Variants in LSM3 observed in about 807,000 individuals in gnomAD.
LSM3 encodes the protein U6 snRNA-associated Sm-like protein LSm3.
LSM3 carries 14 observed loss-of-function variants against 15.4 expected under a neutral mutation model. The observed-to-expected ratio is 0.91, with a 90% CI of 0.60 to 1.42. The LOEUF (loss-of-function observed/expected upper bound fraction) is 1.42, where lower values mean the gene tolerates loss of function less well. Ranked by LOEUF, LSM3 falls within the 40% of genes most tolerant of loss-of-function variation. LSM3 has a pLI of 0.00. For synonymous variants in LSM3, 46 were observed against 45.1 expected (o/e 1.02, Z -0.08); for missense variants, 88 against 127.9 (o/e 0.69, Z 1.50).
chr3:14,199,459 G>A lies in LSM3; in HGVS notation c.*1343G>A, dbSNP rs570276453. Reference sequence around the variant, plus strand: ...TGTGTGCGTGTTCATTATCAAGCACGATATGCTCACAAATGCACAGTACTT... The same window carrying A: ...TGTGTGCGTGTTCATTATCAAGCACAATATGCTCACAAATGCACAGTACTT... On this transcript the variant is annotated 3_prime_UTR_variant, in exon 4 of 4. Coordinates refer to ENST00000306024, the MANE Select transcript of LSM3 (RefSeq NM_014463.3). The A allele has an allele frequency of 3.9e-5, 6 of 152,318 alleles. No individual in the cohort carries two copies. Among genetic ancestry groups the A allele is most frequent in the African/African-American group, 9.6e-5 (4 of 41,578 alleles). The allele number at this position is 152,318 out of a possible 1,614,324, so 9.4% of individuals were successfully genotyped here. A position where few individuals can be genotyped will look rare whatever the true frequency, so the allele number is the denominator to read the frequency against.
intron 3 of LSM3, among the ~76,000 whole-genome samples, chr3:14,186,234 C>T (rs1697088313): frequency 2.6e-5 from 4 of 152,240 alleles, no homozygotes; most frequent in Admixed American, 2.6e-4. Flanking sequence ...GTTTCTGACC[C>T]TGCCAGGGCA....
intron 3 of LSM3, among the ~76,000 whole-genome samples, chr3:14,194,775 CTTTTTTT>C (rs145805608): frequency 2.3e-5 from 2 of 88,800 alleles, no homozygotes; most frequent in African/African-American, 4.4e-5. Flanking sequence ...TTATAGCATC[CTTTTTTT>C]TTTTTTTTTT....
In LSM3 at chr3:14,184,560, C is replaced by G. The variant is rs370099178; in HGVS notation, c.228+528C>G. 6.8e-4 allele frequency among the ~76,000 whole-genome samples: 102 copies of G among 150,522 alleles called. 1 individual carries two copies. In the South Asian group the frequency reaches 0.02, roughly 29 times the overall value. On this transcript the variant is annotated intron_variant, in intron 3 of 3. Coordinates refer to ENST00000306024, the MANE Select transcript of LSM3 (RefSeq NM_014463.3). The stretch of plus-strand genomic sequence containing the variant: ...ACGAGGTCAGGAGATCGAGACCATC[C>G]CGGCTAAAAAAACGGTGAAACCCCG...
intron 1 of LSM3, 125 bp downstream of exon 1, chr3:14,179,006 C>G: frequency 3.8e-6 from 4 of 1,039,450 alleles, no homozygotes; most frequent in East Asian, 2.4e-5. Flanking sequence ...CCACCCTGTC[C>G]TTTCCGTAAC....
chr3:14,193,090 C>A (rs567999036), intron 3 of LSM3, among the ~76,000 whole-genome samples: 1 of 152,152 alleles, frequency 6.6e-6, no homozygotes, highest in East Asian at 1.9e-4. Context: ...TTTTCAAGAA[C>A]GTTGAATATT....
At chr3:14,180,210 C>T (rs1027647832) in intron 1 of LSM3, among the ~76,000 whole-genome samples, 4 of 152,202 alleles carry the variant, frequency 2.6e-5, no homozygotes, top group Admixed American at 2.6e-4. Context: ...CATCCTAGCC[C>T]TGACCTCTAA....
At chr3:14,194,775 C>CT (rs145805608) in intron 3 of LSM3, among the ~76,000 whole-genome samples, 1,412 of 88,764 alleles carry the variant, frequency 0.016, 38 homozygotes, top group African/African-American at 0.022. Context: ...TTATAGCATC[C>CT]TTTTTTTTTT....
chr3:14,192,512 ATTGTTCCC>A (rs754512501), intron 3 of LSM3, among the ~76,000 whole-genome samples: 7 of 152,140 alleles, frequency 4.6e-5, no homozygotes, highest in Non-Finnish European at 1.0e-4. Flanking sequence ...TTCTTGCTGC[ATTGTTCCC>A]TTTACCATGT....
At chr3:14,189,816 T>C (rs954746400) in intron 3 of LSM3, among the ~76,000 whole-genome samples, 5 of 152,242 alleles carry the variant, frequency 3.3e-5, no homozygotes, top group Non-Finnish European at 7.3e-5. Flanking sequence ...ATCCCATTTG[T>C]CAATTTTGGC....
At chr3:14,195,712 T>C (rs1697181615) in intron 3 of LSM3, among the ~76,000 whole-genome samples, 1 of 152,180 alleles carries the variant, frequency 6.6e-6, no homozygotes, top group South Asian at 2.1e-4. Context: ...CCTTGGTGAC[T>C]GTAAAGCCAC....
At chr3:14,183,884 C>A (rs924787333) in intron 2 of LSM3, 53 bp from the exon 3 acceptor site, 6 of 1,380,774 alleles carry the variant, frequency 4.3e-6, no homozygotes, top group South Asian at 1.3e-5. Flanking sequence ...AAGCCTTTAT[C>A]ATTTTTGTAA....
intron 3 of LSM3, among the ~76,000 whole-genome samples, chr3:14,184,484 G>T (rs1411011756): frequency 1.3e-5 from 2 of 152,120 alleles, no homozygotes; most frequent in Non-Finnish European, 2.9e-5. Context: ...GCCGGGCGCG[G>T]TGGCTCACGC....
rs1697214151 is a variant in LSM3, at chr3:14,199,293, A to C, written c.*1177A>C. The stretch of plus-strand genomic sequence containing the variant: ...TCAGCACATAATGCTTAAAACCTAA[A>C]GAGGAAAGTAAAAGCGTGTTACAAT... On this transcript the variant is annotated 3_prime_UTR_variant, in exon 4 of 4. Coordinates refer to ENST00000306024, the MANE Select transcript of LSM3 (RefSeq NM_014463.3). 1 of 152,234 alleles carries C rather than the reference A, an allele frequency of 6.6e-6. No individual in the cohort carries two copies. Among genetic ancestry groups the C allele is most frequent in the South Asian group, 2.1e-4 (1 of 4,826 alleles). 9.4% of individuals were successfully genotyped at this position (152,234 alleles called of 1,614,324 possible). A position where few individuals can be genotyped will look rare whatever the true frequency, so the allele number is the denominator to read the frequency against.
At chr3:14,189,778 C>T (rs1273624987) in intron 3 of LSM3, among the ~76,000 whole-genome samples, 1 of 152,178 alleles carries the variant, frequency 6.6e-6, no homozygotes. Flanking sequence ...GTTTCTTTTG[C>T]TGTGCAGAAG....
intron 2 of LSM3, among the ~76,000 whole-genome samples, chr3:14,183,663 C>G (rs1158469712): frequency 1.3e-5 from 2 of 152,092 alleles, no homozygotes; most frequent in African/African-American, 4.8e-5. Flanking sequence ...GGGGTGGAGA[C>G]TTTAAAAATA....
Position 14,198,104 on chromosome 3 carries a change from G to A in LSM3, c.297G>A (p.Leu99=), listed in dbSNP as rs1697202594. The part of the protein sequence containing the change: ...GDGVVLVAPP[L]RVG ...GCGTTGTCCTGGTTGCCCCTCCACT[G>A]AGAGTTGGCTGAAACAAAGAATTTG... Residue 99 remains leucine, a synonymous_variant, in exon 4 of 4, where the codon CTG becomes CTA. Coordinates refer to ENST00000306024, the MANE Select transcript of LSM3 (RefSeq NM_014463.3). 1 of 1,613,128 alleles carries A rather than the reference G, an allele frequency of 6.2e-7. No individual in the cohort carries two copies. The highest frequency in any genetic ancestry group is 1.3e-5 in the African/African-American group (1 of 74,980).
intron 2 of LSM3, 112 bp from the exon 3 acceptor site, chr3:14,183,825 A>G (rs1697061429): frequency 6.1e-6 from 4 of 656,392 alleles, no homozygotes; most frequent in African/African-American, 1.9e-5. Context: ...AAAGTTTGTG[A>G]TGTAAGTATC....
intron 2 of LSM3, 92 bp downstream of exon 2, chr3:14,181,762 T>A (rs985030864): frequency 3.3e-6 from 3 of 913,022 alleles, no homozygotes; most frequent in Admixed American, 1.9e-5. Flanking sequence ...AAAGGGTATT[T>A]TGAAGGAAGA....
intron 1 of LSM3, among the ~76,000 whole-genome samples, chr3:14,180,821 CTTTT>C (rs1164090236): frequency 1.9e-4 from 9 of 46,772 alleles, no homozygotes; most frequent in East Asian, 8.3e-4. Flanking sequence ...GCTTGCTTGC[CTTTT>C]TTTTTTTTTT....
Sources: gnomAD v4.1 joint callset for allele counts (sites outside exome capture counted in the v4.1 genomes callset) on GRCh38, gnomAD v4.1.1 for gene constraint, MANE v1.5 for transcripts, NCBI Gene and HGNC (gene_info 2026-07-23, HGNC 2026-07-21) for gene names.